Variants in DNAH10 observed in about 807,000 individuals in gnomAD.
DNAH10 encodes axonemal beta dynein heavy chain 10.
In DNAH10, 348 loss-of-function variants were observed where a neutral mutation model predicts 506.6. That is an observed-to-expected ratio of 0.69 (90% CI 0.63 to 0.75). DNAH10 has a LOEUF of 0.75. DNAH10 is among the 30% of genes least tolerant of loss of function. The pLI, the probability that DNAH10 is intolerant of heterozygous loss-of-function variation, is 0.00. For synonymous variants in DNAH10, 2,059 were observed against 2,198.6 expected (o/e 0.94, Z 1.78); for missense variants, 5,179 against 5,787.1 (o/e 0.89, Z 3.41).
chr12:123,884,423 G>T (rs996310865), intron 51 of DNAH10, among the ~76,000 whole-genome samples: 4 of 152,170 alleles, frequency 2.6e-5, no homozygotes, highest in Non-Finnish European at 4.4e-5. Flanking sequence ...TGGACAGCAG[G>T]TGTTCGTTTC....
rs1961413627 is a variant in DNAH10, at chr12:123,838,437, G to A, written c.4903-19G>A. On this transcript the variant is annotated intron_variant, in intron 28 of 78. Transcript: ENST00000673944. ...TCCCTGCTCACCCTGCTTGACGGCT[G>A]TCCTCTGTTCTGGTCCAGATCATGG... 6.2e-7 allele frequency: 1 copy of A among 1,603,042 alleles called. No homozygotes were observed. The highest frequency in any genetic ancestry group is 1.3e-5 in the African/African-American group (1 of 74,550).
chr12:123,851,861 A>C (rs569724472), intron 35 of DNAH10, among the ~76,000 whole-genome samples: 20 of 151,898 alleles, frequency 1.3e-4, no homozygotes, highest in African/African-American at 4.8e-4. Flanking sequence ...GCAGCCTCAA[A>C]CTCCTGGGCT....
intron 16 of DNAH10, among the ~76,000 whole-genome samples, chr12:123,802,652 C>A (rs182366079): frequency 1.3e-5 from 2 of 151,454 alleles, no homozygotes; most frequent in African/African-American, 2.4e-5. Context: ...TCTTACAGGG[C>A]GGCTGTGCCA....
chr12:123,800,592 G>A lies in DNAH10; in HGVS notation c.2462+204G>A, dbSNP rs1228082835. On this transcript the variant is annotated intron_variant, in intron 15 of 78. Coordinates refer to ENST00000673944, the MANE Select transcript of DNAH10 (RefSeq NM_001372106.1). The stretch of plus-strand genomic sequence containing the variant: ...TCTCAGCTACTTGGGAGGCTTAGGT[G>A]GGAGGATTCCTTGAACCTGGGAGAT... 4.6e-5 allele frequency among the ~76,000 whole-genome samples: 7 copies of A among 151,312 alleles called. No homozygotes were observed. The South Asian group carries it at 6.3e-4, about 14-fold the overall frequency.
At position 123,927,000 on chromosome 12, in the gene DNAH10, C is replaced by T; in HGVS notation, c.12105+180C>T. 1 of 683,524 alleles carries T rather than the reference C, an allele frequency of 1.5e-6. No homozygotes were observed. The highest frequency in any genetic ancestry group is 2.4e-6 in the Non-Finnish European group (1 of 416,008). 42.3% of individuals were successfully genotyped at this position (683,524 alleles called of 1,614,324 possible). ...GACAATAATAGTTATGATTTCACAA[C>T]CTCATGTTGTGATCATGGTGCTGTG... is the stretch of plus-strand genomic sequence containing the variant. On this transcript the variant is annotated intron_variant, in intron 69 of 78. Transcript: ENST00000673944. This position sits in a 1 kb window ranked among gnomAD's most constrained non-coding sequence, Gnocchi z 4.1.
intron 35 of DNAH10, among the ~76,000 whole-genome samples, chr12:123,852,443 T>C (rs1429662635): frequency 6.6e-6 from 1 of 152,232 alleles, no homozygotes; most frequent in Non-Finnish European, 1.5e-5. Context: ...TGTCAGGATT[T>C]TGAGTTGGCA....
At chr12:123,803,432 C>T (rs1414646195) in intron 16 of DNAH10, among the ~76,000 whole-genome samples, 1 of 152,164 alleles carries the variant, frequency 6.6e-6, no homozygotes, top group African/African-American at 2.4e-5. Flanking sequence ...ACCGTGCTAA[C>T]ATTTGAATAG....
chr12:123,893,126 G>T, intron 52 of DNAH10, 107 bp from the exon 53 acceptor site: 2 of 1,208,250 alleles, frequency 1.7e-6, no homozygotes, highest in Non-Finnish European at 2.4e-6. Flanking sequence ...CTGCTCTCTG[G>T]ACTCAGCACC....
At chr12:123,871,344 C>T in intron 44 of DNAH10, 113 bp from the exon 45 acceptor site, 1 of 1,278,480 alleles carries the variant, frequency 7.8e-7, no homozygotes, top group Non-Finnish European at 1.1e-6. Flanking sequence ...ATGTCTTGGC[C>T]TTTGCTCCTG....
At chr12:123,847,199 T>TATCC (rs1384221779) in intron 32 of DNAH10, among the ~76,000 whole-genome samples, 5 of 149,574 alleles carry the variant, frequency 3.3e-5, no homozygotes, top group African/African-American at 1.2e-4. Flanking sequence ...TCCATGTATC[T>TATCC]ATCCATCCAT....
chr12:123,833,194 C>G lies in DNAH10; in HGVS notation c.4626C>G (p.Gly1542=). The change falls in exon 27 of 79, where the codon GGC becomes GGG. Residue 1542 remains glycine, a synonymous_variant. Transcript: ENST00000673944. ...VKYCKGTQER[G]YILGSVDEII... Reference sequence around the variant, plus strand: ...ATTGCAAAGGCACACAGGAGCGAGGCTACATCCTGGGTTCTGTTGACGAAA... The same window carrying G: ...ATTGCAAAGGCACACAGGAGCGAGGGTACATCCTGGGTTCTGTTGACGAAA... 1 of 1,613,878 alleles carries G rather than the reference C, an allele frequency of 6.2e-7. No individual in the cohort carries two copies. The highest frequency in any genetic ancestry group is 8.5e-7 in the Non-Finnish European group (1 of 1,179,854).
At chr12:123,826,155 A>C (rs1156625485) in intron 24 of DNAH10, among the ~76,000 whole-genome samples, 1 of 152,168 alleles carries the variant, frequency 6.6e-6, no homozygotes, top group Admixed American at 6.5e-5. Flanking sequence ...TTTACATTAA[A>C]TCTCAGGAAA....
At chr12:123,920,860 C>T (rs1349691660) in intron 65 of DNAH10, among the ~76,000 whole-genome samples, 5 of 152,156 alleles carry the variant, frequency 3.3e-5, no homozygotes. Flanking sequence ...ACCTCCACCT[C>T]CCAGGCTCAA....
At chr12:123,886,757 G>A (rs1952752561) in intron 51 of DNAH10, among the ~76,000 whole-genome samples, 3 of 151,918 alleles carry the variant, frequency 2.0e-5, no homozygotes, top group African/African-American at 2.4e-5. Flanking sequence ...AGCAGAAAAA[G>A]CGTGCTTTAA....
At chr12:123,933,269 G>C in intron 76 of DNAH10, 62 bp from the exon 77 acceptor site, 1 of 1,351,834 alleles carries the variant, frequency 7.4e-7, no homozygotes, top group Non-Finnish European at 9.6e-7. Flanking sequence ...TTCCAGGCCA[G>C]CTTTGACCTG....
At chr12:123,815,775 C>T (rs183314102) in intron 21 of DNAH10, among the ~76,000 whole-genome samples, 93 of 152,268 alleles carry the variant, frequency 6.1e-4, no homozygotes, top group Non-Finnish European at 1.2e-3. Flanking sequence ...TGTACTTATA[C>T]AAATCTAGAT....
At chr12:123,906,295 G>A (rs1018632163) in intron 57 of DNAH10, among the ~76,000 whole-genome samples, 4 of 151,720 alleles carry the variant, frequency 2.6e-5, no homozygotes, top group African/African-American at 7.3e-5. Flanking sequence ...AGGCTGGAGT[G>A]CAGTGGCGCG....
At chr12:123,814,600 G>T (rs1959070965) in intron 21 of DNAH10, among the ~76,000 whole-genome samples, 1 of 150,286 alleles carries the variant, frequency 6.7e-6, no homozygotes, top group Admixed American at 6.6e-5. Flanking sequence ...TTCTCCCTTG[G>T]CCAGGTAGAT....
chr12:123,789,846 C>T (rs918152305), intron 10 of DNAH10, 81 bp from the exon 11 acceptor site: 6 of 1,338,020 alleles, frequency 4.5e-6, no homozygotes, highest in African/African-American at 2.9e-5. Context: ...AGGTCAGTCT[C>T]GATATGCTAT....
Sources: gnomAD v4.1 joint callset for allele counts (sites outside exome capture counted in the v4.1 genomes callset) on GRCh38, gnomAD v4.1.1 for gene constraint, Gnocchi (gnomAD v3.1) non-coding constraint, MANE v1.5 for transcripts, NCBI Gene and HGNC (gene_info 2026-07-23, HGNC 2026-07-21) for gene names.